KLRD1: variants seen among roughly 807,000 people sequenced by gnomAD.
KLRD1 encodes killer cell lectin like receptor D1.
Under a neutral mutation model 22.6 loss-of-function variants are expected in KLRD1, and 21 were observed. That is an observed-to-expected ratio of 0.93 (90% CI 0.66 to 1.34). The LOEUF is 1.34. Ranked by LOEUF, KLRD1 falls within the 40% of genes most tolerant of loss-of-function variation. The probability of loss-of-function intolerance (pLI) is 0.00; values close to 1 mark genes in which losing one functional copy is unlikely to be tolerated. For synonymous variants in KLRD1, 59 were observed against 71.1 expected (o/e 0.83, Z 0.85); for missense variants, 183 against 208.6 (o/e 0.88, Z 0.76).
chr12:10,302,574 G>C (rs775222585), upstream of KLRD1, among the ~76,000 whole-genome samples: 1 of 152,146 alleles, frequency 6.6e-6, no homozygotes, highest in Non-Finnish European at 1.5e-5. Flanking sequence ...CTCCATGAAG[G>C]CTTGAAGGCT....
At position 10,239,442 on chromosome 12, in the gene KLRD1, C is replaced by A. The variant is rs1565443058; in HGVS notation, c.-101+13209C>A. ...TTTCCATCCTTCCTTCCTTTCCTTC[C>A]TTCCTTCCTTCCTTCCTTCCTTCCT... On this transcript the variant is annotated intron_variant, in intron 1 of 5. Transcript: ENST00000544747. Among the ~76,000 whole-genome samples, 13 of 38,002 alleles carry A rather than the reference C, an allele frequency of 3.4e-4. 1 individual carries two copies. The highest frequency in any genetic ancestry group is 3.2e-3 in the South Asian group (2 of 626). 24.9% of individuals were successfully genotyped at this position (38,002 alleles called of 152,430 possible).
intron 4 of KLRD1, among the ~76,000 whole-genome samples, chr12:10,312,540 A>T (rs889360641): frequency 6.6e-6 from 1 of 150,644 alleles, no homozygotes; most frequent in Non-Finnish European, 1.5e-5. Context: ...AACCACGCCC[A>T]GTTAATTTTG....
At chr12:10,243,653 A>T (rs1207445238) in intron 1 of KLRD1, among the ~76,000 whole-genome samples, 1 of 150,476 alleles carries the variant, frequency 6.6e-6, no homozygotes, top group Non-Finnish European at 1.5e-5. Context: ...AAGATATGGA[A>T]CAATGTGAAA....
In KLRD1 at chr12:10,252,824, C is replaced by T; in HGVS notation, c.-101+26591C>T. On this transcript the variant is annotated intron_variant, in intron 1 of 5. Coordinates refer to the KLRD1 transcript ENST00000544747. The stretch of plus-strand genomic sequence containing the variant: ...GTGGTAGGGAGTAAAACTATCGCAG[C>T]TGTGTGTACACAAAAGGGAATGAAC... Among the ~76,000 whole-genome samples, 2 of 151,962 alleles carry T rather than the reference C, an allele frequency of 1.3e-5. 1 individual carries two copies. Among genetic ancestry groups the T allele is most frequent in the East Asian group, 3.8e-4 (2 of 5,198 alleles).
rs1419768654 is a variant in KLRD1 at position 10,313,498 on chromosome 12, C to T, written c.404C>T (p.Ala135Val). The change falls in exon 5 of 6, where the codon GCA becomes GTA. Residue 135 changes from alanine (A) to valine (V), a missense_variant. By Grantham distance (64) the Ala-to-Val change is moderately conservative. Transcript: ENST00000336164. ...GCCTGGTTGTGGGAGAATGGCTCTG[C>T]ACTCTCCCAGTATCTGTAAGTTTCT... Reference protein sequence around the residue: ...HTAWLWENGSALSQYLFPSFE... With the variant: ...HTAWLWENGSVLSQYLFPSFE... The T allele has an allele frequency of 6.3e-6, 10 of 1,596,160 alleles. No individual in the cohort carries two copies. Among genetic ancestry groups the T allele is most frequent in the Admixed American group, 1.7e-5 (1 of 58,212 alleles).
chr12:10,300,967 T>C (rs558409201), upstream of KLRD1, among the ~76,000 whole-genome samples: 16 of 152,218 alleles, frequency 1.1e-4, no homozygotes, highest in Non-Finnish European at 2.4e-4. Context: ...TCAGCTTTCA[T>C]AGAATTAAAA....
At chr12:10,300,058 C>CA (rs1311386377), upstream of KLRD1, among the ~76,000 whole-genome samples, 26 of 152,310 alleles carry the variant, frequency 1.7e-4, no homozygotes, top group African/African-American at 6.3e-4. Context: ...CTGAATTCTT[C>CA]AACCCCTCAA....
intron 1 of KLRD1, among the ~76,000 whole-genome samples, chr12:10,295,611 T>C (rs1050170273): frequency 5.9e-5 from 9 of 152,190 alleles, no homozygotes; most frequent in African/African-American, 1.9e-4. Flanking sequence ...ACTTGTACTT[T>C]AAAATACAGG....
intron 1 of KLRD1, among the ~76,000 whole-genome samples, chr12:10,256,192 A>G (rs995547250): frequency 1.3e-5 from 2 of 151,668 alleles, no homozygotes; most frequent in Non-Finnish European, 2.9e-5. Flanking sequence ...TTCAACTTAT[A>G]TGTGTTTTCA....
chr12:10,287,273 A>G (rs190271820), intron 1 of KLRD1, among the ~76,000 whole-genome samples: 19 of 152,336 alleles, frequency 1.2e-4, no homozygotes, highest in East Asian at 1.2e-3. Flanking sequence ...TTAGACAGCC[A>G]TGGGAGAATG....
chr12:10,324,031 T>G lies in KLRD1; in HGVS notation c.*9238T>G, dbSNP rs988771609. On this transcript the variant is annotated 3_prime_UTR_variant, in exon 6 of 6. Transcript: ENST00000336164. Reference sequence around the variant, plus strand: ...TGCCCACCACCACGCCCAGCTAATTTTTGTATTTTTAGTAGAGACGGGGTT... The same window carrying G: ...TGCCCACCACCACGCCCAGCTAATTGTTGTATTTTTAGTAGAGACGGGGTT... The G allele has an allele frequency of 1.3e-5, 2 of 152,014 alleles. No individual in the cohort carries two copies. Among genetic ancestry groups the G allele is most frequent in the Non-Finnish European group, 2.9e-5 (2 of 68,060 alleles). 9.4% of individuals were successfully genotyped at this position (152,014 alleles called of 1,614,324 possible).
At chr12:10,302,192 G>C (rs1258421372), upstream of KLRD1, among the ~76,000 whole-genome samples, 2 of 152,204 alleles carry the variant, frequency 1.3e-5, no homozygotes, top group Non-Finnish European at 2.9e-5. Context: ...AAATGGTGTT[G>C]ATAGACTTAC....
At chr12:10,272,763 A>G (rs1949561429) in intron 1 of KLRD1, among the ~76,000 whole-genome samples, 1 of 152,256 alleles carries the variant, frequency 6.6e-6, no homozygotes, top group Non-Finnish European at 1.5e-5. Flanking sequence ...TAAGAAAATT[A>G]AAGATAATGT....
chr12:10,305,414 G>C (rs958483571), upstream of KLRD1, among the ~76,000 whole-genome samples: 2 of 152,168 alleles, frequency 1.3e-5, no homozygotes, highest in Admixed American at 1.3e-4. Flanking sequence ...AATTGTGTAT[G>C]CAATAAATGT....
chr12:10,272,249 A>G (rs1031854890), intron 1 of KLRD1, among the ~76,000 whole-genome samples: 3 of 152,196 alleles, frequency 2.0e-5, no homozygotes, highest in Non-Finnish European at 4.4e-5. Context: ...CCTTCAGTAC[A>G]AGTGAAGCAG....
intron 1 of KLRD1, among the ~76,000 whole-genome samples, chr12:10,276,554 G>T (rs1001087143): frequency 6.6e-6 from 1 of 151,900 alleles, no homozygotes; most frequent in Non-Finnish European, 1.5e-5. Context: ...TTGAATCGGA[G>T]TTTCGCTCTT....
At chr12:10,309,603 A>C in intron 2 of KLRD1, 23 bp from the exon 3 acceptor site, 1 of 1,582,178 alleles carries the variant, frequency 6.3e-7, no homozygotes, top group East Asian at 2.2e-5. Flanking sequence ...CTAATTAAAC[A>C]AATTTCTAAT....
At chr12:10,257,911 G>A (rs926074275) in intron 1 of KLRD1, among the ~76,000 whole-genome samples, 1 of 152,006 alleles carries the variant, frequency 6.6e-6, no homozygotes, top group Non-Finnish European at 1.5e-5. Context: ...CTTGGGATTA[G>A]CTTTAGGTAA....
chr12:10,298,688 G>A (rs987623781), intron 1 of KLRD1, among the ~76,000 whole-genome samples: 4 of 152,224 alleles, frequency 2.6e-5, no homozygotes, highest in East Asian at 1.9e-4. Context: ...TAGCATGAGC[G>A]ATCTGTGCCT....
Sources: gnomAD v4.1 joint callset for allele counts (sites outside exome capture counted in the v4.1 genomes callset) on GRCh38, gnomAD v4.1.1 for gene constraint, MANE v1.5 for transcripts, NCBI Gene and HGNC (gene_info 2026-07-23, HGNC 2026-07-21) for gene names.